Variants in PIK3C3 observed in about 807,000 individuals in gnomAD.
PIK3C3 encodes phosphatidylinositol 3-kinase catalytic subunit type 3, also known as PI3-kinase type 3.
PIK3C3 carries 95 observed loss-of-function variants against 126.1 expected under a neutral mutation model. That is an observed-to-expected ratio of 0.75 (90% CI 0.64 to 0.89). PIK3C3 has a LOEUF of 0.89. Among genes scored for constraint, PIK3C3 ranks in the 40% least tolerant of loss-of-function variants. PIK3C3 has a pLI of 0.00. For synonymous variants in PIK3C3, 374 were observed against 360.0 expected, an observed-to-expected ratio of 1.04 and a Z score of -0.44; for missense variants, 829 against 1,063.2, an observed-to-expected ratio of 0.78 and a Z score of 3.06.
At chr18:42,003,676 G>A (rs1007481956) in intron 9 of PIK3C3, among the ~76,000 whole-genome samples, 12 of 152,188 alleles carry the variant, frequency 7.9e-5, no homozygotes, top group Admixed American at 2.6e-4. Flanking sequence ...GAAAACTTCC[G>A]TGTGCTGCCT....
chr18:42,036,441 A>AT (rs900489979), intron 16 of PIK3C3, among the ~76,000 whole-genome samples: 9 of 147,670 alleles, frequency 6.1e-5, no homozygotes, highest in Non-Finnish European at 1.0e-4. Flanking sequence ...TCTTTGACTC[A>AT]TTTTTTTTTC....
chr18:41,994,504 T>C (rs1981933307), intron 7 of PIK3C3, among the ~76,000 whole-genome samples: 1 of 152,010 alleles, frequency 6.6e-6, no homozygotes, highest in Non-Finnish European at 1.5e-5. Flanking sequence ...CAGACTATAA[T>C]TACAATAATG....
At chr18:42,031,953 CAATA>C (rs1354185523) in intron 15 of PIK3C3, among the ~76,000 whole-genome samples, 2 of 151,904 alleles carry the variant, frequency 1.3e-5, no homozygotes, top group Non-Finnish European at 2.9e-5. Context: ...AGAGTAAATG[CAATA>C]AATAAATAAA....
chr18:42,064,190 A>G (rs1985438833), intron 22 of PIK3C3, among the ~76,000 whole-genome samples: 1 of 152,224 alleles, frequency 6.6e-6, no homozygotes, highest in Non-Finnish European at 1.5e-5. Context: ...GCAGCAGAGT[A>G]CTAGCAATTT....
intron 3 of PIK3C3, 134 bp from the exon 4 acceptor site, chr18:41,970,193 A>G: frequency 1.4e-6 from 1 of 707,648 alleles, no homozygotes; most frequent in Non-Finnish European, 2.4e-6. Context: ...TTTACATTCC[A>G]TTGGGGGCTT....
intron 24 of PIK3C3, among the ~76,000 whole-genome samples, chr18:42,070,235 G>A (rs768530253): frequency 1.3e-5 from 2 of 152,182 alleles, no homozygotes; most frequent in African/African-American, 2.4e-5. Flanking sequence ...CAGATTCACA[G>A]AGAGAAAAAA....
intron 10 of PIK3C3, among the ~76,000 whole-genome samples, chr18:42,009,415 A>G (rs1356105926): frequency 6.6e-6 from 1 of 152,186 alleles, no homozygotes; most frequent in South Asian, 2.1e-4. Context: ...CAAAAGAGAA[A>G]TATACAGTCA....
At chr18:42,017,960 C>G (rs1983150905) in intron 12 of PIK3C3, among the ~76,000 whole-genome samples, 1 of 151,050 alleles carries the variant, frequency 6.6e-6, no homozygotes, top group South Asian at 2.1e-4. Context: ...ATTTCACTAT[C>G]TTATTTAGTA....
intron 3 of PIK3C3, among the ~76,000 whole-genome samples, chr18:41,968,538 C>G (rs1252260724): frequency 1.3e-5 from 2 of 152,104 alleles, no homozygotes; most frequent in Admixed American, 6.5e-5. Context: ...TTTGCAAATA[C>G]AGTTACTAGA....
chr18:41,981,440 C>T (rs751874302), intron 4 of PIK3C3, among the ~76,000 whole-genome samples: 13 of 152,078 alleles, frequency 8.5e-5, no homozygotes, highest in African/African-American at 9.7e-5. Flanking sequence ...TACTACTCTT[C>T]CTGAATAATA....
chr18:41,981,887 A>G (rs1386523087), intron 4 of PIK3C3, among the ~76,000 whole-genome samples: 1 of 151,802 alleles, frequency 6.6e-6, no homozygotes, highest in Non-Finnish European at 1.5e-5. Context: ...GAGGCAGGAA[A>G]ATAGGAAAAT....
intron 24 of PIK3C3, among the ~76,000 whole-genome samples, chr18:42,079,998 A>AGAGAGT (rs371056566): frequency 2.9e-5 from 4 of 137,348 alleles, no homozygotes; most frequent in African/African-American, 1.1e-4. Context: ...TAAGAGAGAG[A>AGAGAGT]GTGTGTGTGT....
At chr18:42,071,788 C>T (rs1985785318) in intron 24 of PIK3C3, among the ~76,000 whole-genome samples, 1 of 146,048 alleles carries the variant, frequency 6.8e-6, no homozygotes, top group Non-Finnish European at 1.5e-5. Context: ...CAGACAGATT[C>T]AGTTCTTTTT....
chr18:41,977,463 G>T (rs1259202231), intron 4 of PIK3C3, among the ~76,000 whole-genome samples: 1 of 151,806 alleles, frequency 6.6e-6, no homozygotes, highest in African/African-American at 2.4e-5. Flanking sequence ...AAACGTTTTA[G>T]AGCCATGAGA....
Position 42,051,294 on chromosome 18 carries a change from A to G in PIK3C3, c.2263+1689A>G, listed in dbSNP as rs557923778. ...TAAATCAGTGTTGAATTAATGATGA[A>G]TAAATACTTCTGCTCTTCCATGAAC... is the stretch of plus-strand genomic sequence containing the variant. On this transcript the variant is annotated intron_variant, in intron 21 of 24. Coordinates refer to ENST00000262039, the MANE Select transcript of PIK3C3 (RefSeq NM_002647.4). 3.3e-5 allele frequency: 5 copies of G among 152,338 alleles called. No individual in the cohort carries two copies. In the South Asian group the frequency reaches 1.0e-3, roughly 32 times the overall value. 9.4% of individuals were successfully genotyped at this position (152,338 alleles called of 1,614,324 possible).
rs1189101228 is a variant in PIK3C3, at chr18:42,086,171, A to T, written c.*5034A>T. On this transcript the variant is annotated 3_prime_UTR_variant, in exon 25 of 25. Transcript: ENST00000262039. ...TTTATATCTTCAGTGTTTGCATTAG[A>T]TTGTCACCAGCACTATCTGCCTTGT... is the stretch of plus-strand genomic sequence containing the variant. The T allele has an allele frequency of 6.6e-6, 1 of 152,136 alleles. No homozygotes were observed. Among genetic ancestry groups the T allele is most frequent in the African/African-American group, 2.4e-5 (1 of 41,420 alleles). 9.4% of individuals were successfully genotyped at this position (152,136 alleles called of 1,614,324 possible).
Position 42,029,385 on chromosome 18 carries a change from C to A in PIK3C3, c.1651C>A (p.Arg551=). Residue 551 remains arginine, a synonymous_variant, in exon 15 of 25, where the codon CGG becomes AGG. Transcript: ENST00000262039. ...GGCTGCACAACAGACATTTGTAGAT[C>A]GGTTGGTGCATCTAATGAAGGCAGT... ...LLAAQQTFVD[R]LVHLMKAVQR... is the part of the protein sequence containing the mutation. 1.9e-6 allele frequency: 3 copies of A among 1,613,608 alleles called. No individual in the cohort carries two copies. In the South Asian group the frequency reaches 3.3e-5, roughly 18 times the overall value.
chr18:42,044,636 T>C (rs1984479952), intron 20 of PIK3C3, among the ~76,000 whole-genome samples: 1 of 152,164 alleles, frequency 6.6e-6, no homozygotes, highest in Non-Finnish European at 1.5e-5. Flanking sequence ...CAGGCTGGTC[T>C]CAAACTCCTG....
intron 14 of PIK3C3, 124 bp from the exon 15 acceptor site, chr18:42,029,201 C>T: frequency 3.2e-6 from 2 of 625,148 alleles, no homozygotes; most frequent in South Asian, 1.8e-5. Flanking sequence ...TAATCTTTTT[C>T]AGTTTTGCTT....
Sources: allele counts gnomAD v4.1 joint callset (sites outside exome capture counted in the v4.1 genomes callset), GRCh38; gene constraint gnomAD v4.1.1; transcripts MANE v1.5; gene names NCBI Gene and HGNC (gene_info 2026-07-23, HGNC 2026-07-21).